SLC7A5: variants seen among roughly 807,000 people sequenced by gnomAD.
SLC7A5 encodes the protein solute carrier family 7 member 5.
Under a neutral mutation model 50.2 loss-of-function variants are expected in SLC7A5, and 23 were observed. The observed-to-expected ratio is 0.46, with a 90% confidence interval of 0.33 to 0.65. SLC7A5 has a LOEUF of 0.65. SLC7A5 is among the 30% of genes least tolerant of loss of function. The pLI is 0.02. For missense variants in SLC7A5, 578 were observed against 684.4 expected, an observed-to-expected ratio of 0.84 and a Z score of 1.73; for synonymous variants, 393 against 330.6, an observed-to-expected ratio of 1.19 and a Z score of -2.05.
intron 7 of SLC7A5, chr16:87,837,472 G>A (rs1241831737): frequency 7.0e-6 from 2 of 285,414 alleles, no homozygotes; most frequent in Non-Finnish European, 1.4e-5. Context: ...AGTCACGCGG[G>A]CTGGCACGGA....
rs1379240168 is a variant in SLC7A5, at chr16:87,869,222, G to A, written c.201C>T (p.Gly67=). 5 of 1,612,440 alleles carry A rather than the reference G, an allele frequency of 3.1e-6. No homozygotes were observed. The highest frequency in any genetic ancestry group is 1.1e-5 in the South Asian group (1 of 91,060). ...GCACGCCCGTGGGCGTCACGAAGATGCCCGAGCCGATAATGGTCCCCACGA... is the reference window on the plus strand; with the variant it reads ...GCACGCCCGTGGGCGTCACGAAGATACCCGAGCCGATAATGGTCCCCACGA... ...AIIVGTIIGS[G]IFVTPTGVLK... Residue 67 remains glycine (G), a synonymous_variant, in exon 1 of 10, where the codon GGC becomes GGT. Coordinates refer to ENST00000261622, the MANE Select transcript of SLC7A5 (RefSeq NM_003486.7).
chr16:87,842,733 A>C (rs1444861734), intron 2 of SLC7A5, among the ~76,000 whole-genome samples: 2 of 152,170 alleles, frequency 1.3e-5, no homozygotes, highest in East Asian at 3.9e-4. Flanking sequence ...TCTCCTGAGA[A>C]GGAGCTCCAG....
At chr16:87,835,991 T>C (rs1332887145) in intron 8 of SLC7A5, among the ~76,000 whole-genome samples, 4 of 152,200 alleles carry the variant, frequency 2.6e-5, no homozygotes, top group Non-Finnish European at 4.4e-5. Flanking sequence ...GGCAAGAGCA[T>C]GGCCTCTGCT....
chr16:87,858,463 T>C (rs999205156), intron 1 of SLC7A5, among the ~76,000 whole-genome samples: 7 of 152,080 alleles, frequency 4.6e-5, no homozygotes, highest in Admixed American at 3.9e-4. Context: ...CCAACAGTTA[T>C]GCTAACAAGA....
intron 7 of SLC7A5, chr16:87,836,919 T>C (rs953391212): frequency 2.8e-5 from 14 of 498,006 alleles, no homozygotes; most frequent in South Asian, 8.0e-5. Flanking sequence ...GGAGACCACA[T>C]TTGGGTTAAG....
rs2055388402 is a variant in SLC7A5 at position 87,860,803 on chromosome 16, C to T, written c.538+8082G>A. ...AGGCCCAGAATAGGAGGTCGGTGCT[C>T]ATTCCTCACGTAGTGGGCAAATCCT... On this transcript the variant is annotated intron_variant, in intron 1 of 9. Transcript: ENST00000261622. The surrounding 1 kb of genome is among the most constrained non-coding windows in gnomAD (Gnocchi z 4.8). Among the ~76,000 whole-genome samples, 1 of 152,220 alleles carries T rather than the reference C, an allele frequency of 6.6e-6. No homozygotes were observed. Among genetic ancestry groups the T allele is most frequent in the Non-Finnish European group, 1.5e-5 (1 of 68,040 alleles).
chr16:87,836,903 G>A (rs1338973916), intron 7 of SLC7A5: 2 of 514,736 alleles, frequency 3.9e-6, no homozygotes, highest in Non-Finnish European at 7.1e-6. Flanking sequence ...GAGGAGAGGA[G>A]GAAATGGAGA....
chr16:87,867,166 C>T (rs1007951838), intron 1 of SLC7A5, among the ~76,000 whole-genome samples: 3 of 152,112 alleles, frequency 2.0e-5, no homozygotes, highest in Non-Finnish European at 4.4e-5. Flanking sequence ...TAGATCCGCC[C>T]GTCTCGGCCT....
At position 87,861,089 on chromosome 16, in the gene SLC7A5, A is replaced by C. The variant is rs193083944; in HGVS notation, c.538+7796T>G. Among the ~76,000 whole-genome samples the C allele has an allele frequency of 4.7e-3, 720 of 152,320 alleles. 5 individuals are homozygous for C. Among genetic ancestry groups the C allele is most frequent in the Non-Finnish European group, 7.2e-3 (492 of 68,004 alleles). Reference sequence around the variant, plus strand: ...CAGGGCCTCTGGGGAGCGTGCGGGCACACAGTACCAATCTGCATGCATACA... The same window carrying C: ...CAGGGCCTCTGGGGAGCGTGCGGGCCCACAGTACCAATCTGCATGCATACA... On this transcript the variant is annotated intron_variant, in intron 1 of 9. Transcript: ENST00000261622. The surrounding 1 kb of genome is among the most constrained non-coding windows in gnomAD (Gnocchi z 4.2).
At chr16:87,856,960 G>C (rs982310695) in intron 1 of SLC7A5, among the ~76,000 whole-genome samples, 7 of 152,190 alleles carry the variant, frequency 4.6e-5, no homozygotes, top group African/African-American at 1.7e-4. Context: ...GGCCTGGGGA[G>C]CGCCCCCAGC....
intron 3 of SLC7A5, 119 bp downstream of exon 3, chr16:87,840,931 A>C: frequency 7.6e-6 from 5 of 653,630 alleles, no homozygotes; most frequent in Non-Finnish European, 1.4e-5. Context: ...GGGGCAGTTA[A>C]AGGGAGGGGC....
Position 87,860,031 on chromosome 16 carries a change from T to C in SLC7A5, c.539-8182A>G, listed in dbSNP as rs1199598659. Reference sequence around the variant, plus strand: ...TTTAGCTAATAACTCTTTCAACCAATTGTGAATCAGAAAATCTTTTGCCAG... The same window carrying C: ...TTTAGCTAATAACTCTTTCAACCAACTGTGAATCAGAAAATCTTTTGCCAG... On this transcript the variant is annotated intron_variant, in intron 1 of 9. Transcript: ENST00000261622. This position sits in a 1 kb window ranked among gnomAD's most constrained non-coding sequence, Gnocchi z 4.8. Among the ~76,000 whole-genome samples, 2 of 151,628 alleles carry C rather than the reference T, an allele frequency of 1.3e-5. No individual in the cohort carries two copies. Among genetic ancestry groups the C allele is most frequent in the East Asian group, 2.0e-4 (1 of 5,092 alleles).
intron 1 of SLC7A5, among the ~76,000 whole-genome samples, chr16:87,857,379 A>G (rs2143810737): frequency 6.6e-6 from 1 of 152,280 alleles, no homozygotes; most frequent in East Asian, 1.9e-4. Flanking sequence ...CTGGGGATCA[A>G]GTGATTCTCC....
In SLC7A5 at chr16:87,862,504, C is replaced by T. The variant is rs1248088794; in HGVS notation, c.538+6381G>A. ...CGAGCGTGGGTGGGTGACATCATCT[C>T]GCACCCAGAGCTCCAGACTAAAGGA... On this transcript the variant is annotated intron_variant, in intron 1 of 9. Coordinates refer to ENST00000261622, the MANE Select transcript of SLC7A5 (RefSeq NM_003486.7). The surrounding 1 kb of genome is among the most constrained non-coding windows in gnomAD (Gnocchi z 5.3). 3.9e-5 allele frequency among the ~76,000 whole-genome samples: 6 copies of T among 152,256 alleles called. No individual in the cohort carries two copies. Among genetic ancestry groups the T allele is most frequent in the African/African-American group, 7.2e-5 (3 of 41,468 alleles).
chr16:87,852,412 A>G lies in SLC7A5; in HGVS notation c.539-563T>C, dbSNP rs955609427. Among the ~76,000 whole-genome samples the G allele has an allele frequency of 3.9e-5, 6 of 152,146 alleles. No homozygotes were observed. Among genetic ancestry groups the G allele is most frequent in the African/African-American group, 7.2e-5 (3 of 41,424 alleles). On this transcript the variant is annotated intron_variant, in intron 1 of 9. Transcript: ENST00000261622. The surrounding 1 kb of genome is among the most constrained non-coding windows in gnomAD (Gnocchi z 4.5). ...TGGGGACGGCAGCCTGGGAGGGGCC[A>G]CAGGGGCCTGTGGTGAGCAGAGCAG... is the stretch of plus-strand genomic sequence containing the variant.
intron 1 of SLC7A5, among the ~76,000 whole-genome samples, chr16:87,858,536 C>T (rs972081113): frequency 6.6e-6 from 1 of 152,152 alleles, no homozygotes; most frequent in African/African-American, 2.4e-5. Flanking sequence ...TTGTGGCAGC[C>T]AATCCAACAC....
In SLC7A5 at chr16:87,832,807, A is replaced by C. The variant is rs1322554722; in HGVS notation, c.*163T>G. 2.9e-6 allele frequency: 2 copies of C among 687,832 alleles called. No individual in the cohort carries two copies. Among genetic ancestry groups the C allele is most frequent in the African/African-American group, 3.5e-5 (2 of 57,568 alleles). 42.6% of individuals were successfully genotyped at this position (687,832 alleles called of 1,614,324 possible). A position where few individuals can be genotyped will look rare whatever the true frequency, so the allele number is the denominator to read the frequency against. On this transcript the variant is annotated 3_prime_UTR_variant, in exon 10 of 10. Transcript: ENST00000261622. The surrounding 1 kb of genome is among the most constrained non-coding windows in gnomAD (Gnocchi z 4.6). ...TCAGTTGAGGGATGAGATTCGTACCAGAGTTTTCACAGCAGCCTCCACTGC... is the reference window on the plus strand; with the variant it reads ...TCAGTTGAGGGATGAGATTCGTACCCGAGTTTTCACAGCAGCCTCCACTGC...
intron 1 of SLC7A5, among the ~76,000 whole-genome samples, chr16:87,863,984 AAAAT>A (rs1270714534): frequency 2.3e-4 from 1 of 4,356 alleles, no homozygotes; most frequent in Non-Finnish European, 8.8e-4. Flanking sequence ...TGATCATTTA[AAAAT>A]ATATATATAT....
Position 87,868,997 on chromosome 16 carries a change from A to G in SLC7A5, c.426T>C (p.Pro142=). ...KLWIELLIIR[P]SSQYIVALVF... ...CCAGGGCCACGATGTACTGCGATGAAGGCCGGATGATGAGCAGCTCGATCC... is the reference window on the plus strand; with the variant it reads ...CCAGGGCCACGATGTACTGCGATGAGGGCCGGATGATGAGCAGCTCGATCC... The change falls in exon 1 of 10, where the codon CCT becomes CCC. Residue 142 remains proline (P), a synonymous_variant. Transcript: ENST00000261622. The G allele has an allele frequency of 6.2e-7, 1 of 1,611,712 alleles. No individual in the cohort carries two copies. The highest frequency in any genetic ancestry group is 1.1e-5 in the South Asian group (1 of 90,990).
Sources: gnomAD v4.1 joint callset for allele counts (sites outside exome capture counted in the v4.1 genomes callset) on GRCh38, gnomAD v4.1.1 for gene constraint, Gnocchi (gnomAD v3.1) non-coding constraint, MANE v1.5 for transcripts, NCBI Gene and HGNC (gene_info 2026-07-23, HGNC 2026-07-21) for gene names.